The following NRG1 variants were observed in gnomAD, a reference collection of about 807,000 sequenced individuals.
NRG1 encodes neuregulin 1, also known as pro-neuregulin-1, membrane-bound isoform.
In NRG1, 18 loss-of-function variants were observed where a neutral mutation model predicts 63.8. That is an observed-to-expected ratio of 0.28 (90% CI 0.19 to 0.42). The LOEUF is 0.42. Among genes scored for constraint, NRG1 ranks in the 10% least tolerant of loss-of-function variants. NRG1 has a pLI of 1.00. For missense variants in NRG1, 762 were observed against 814.7 expected (o/e 0.94, Z 0.79); for synonymous variants, 302 against 301.3 (o/e 1.00, Z -0.02).
chr8:32,666,218 G>T (rs1244987882), intron 5 of NRG1, among the ~76,000 whole-genome samples: 4 of 152,140 alleles, frequency 2.6e-5, no homozygotes, highest in Non-Finnish European at 4.4e-5. Context: ...ATATAAACTT[G>T]TAGGCACTCC....
chr8:32,170,242 C>T (rs909380730), intron 1 of NRG1, among the ~76,000 whole-genome samples: 2 of 152,150 alleles, frequency 1.3e-5, no homozygotes, highest in African/African-American at 2.4e-5. Flanking sequence ...TTTGATACAC[C>T]TTCCTAGACC....
chr8:32,747,732 G>GTGTATATATATATA lies in NRG1; in HGVS notation c.691+5000_691+5001insGTATATATATATAT, dbSNP rs1264111970. On this transcript the variant is annotated intron_variant, in intron 7 of 11. Transcript: ENST00000356819. The stretch of plus-strand genomic sequence containing the variant: ...TGTTTGTGTGCATATATGTGTGTGT[G>GTGTATATATATATA]TATATATATATATATATATATATAT... Among the ~76,000 whole-genome samples, 51 of 132,096 alleles carry GTGTATATATATATA rather than the reference G, an allele frequency of 3.9e-4. 1 individual carries two copies. In the East Asian group the frequency reaches 4.1e-3, roughly 11 times the overall value. The allele number at this position is 132,096 out of a possible 152,430, so 86.7% of individuals were successfully genotyped here. A position where few individuals can be genotyped will look rare whatever the true frequency, so the allele number is the denominator to read the frequency against.
intron 1 of NRG1, among the ~76,000 whole-genome samples, chr8:31,982,759 AT>A (rs1258356864): frequency 6.6e-6 from 1 of 152,130 alleles, no homozygotes; most frequent in Non-Finnish European, 1.5e-5. Flanking sequence ...CATGAAATTA[AT>A]TGAGAAACTG....
At chr8:31,896,392 T>C (rs1476941790) in intron 1 of NRG1, among the ~76,000 whole-genome samples, 2 of 152,230 alleles carry the variant, frequency 1.3e-5, no homozygotes, top group African/African-American at 2.4e-5. Flanking sequence ...ACTTTCACTA[T>C]CCGGGGACCC....
At chr8:32,763,750 A>ATTC in exon 12 of NRG1, 2 of 1,545,104 alleles carry the variant, frequency 1.3e-6, no homozygotes, top group Non-Finnish European at 1.7e-6. Flanking sequence ...TCACACAGGT[A>ATTC]TGTGTCAGCC....
At chr8:32,315,666 C>A (rs2129476245) in intron 1 of NRG1, among the ~76,000 whole-genome samples, 1 of 152,178 alleles carries the variant, frequency 6.6e-6, no homozygotes, top group East Asian at 1.9e-4. Context: ...AATCTGATAC[C>A]TAACATGGAA....
intron 1 of NRG1, among the ~76,000 whole-genome samples, chr8:31,825,453 C>G (rs190554325): frequency 1.2e-3 from 182 of 151,694 alleles, no homozygotes; most frequent in African/African-American, 4.0e-3. Context: ...GATGAGAATA[C>G]ATTCAAAGAG....
chr8:31,896,334 C>T (rs16878409), intron 1 of NRG1, among the ~76,000 whole-genome samples: 1 of 152,176 alleles, frequency 6.6e-6, no homozygotes, highest in African/African-American at 2.4e-5. Context: ...TGTAATACTC[C>T]TAATCCCTGT....
intron 1 of NRG1, among the ~76,000 whole-genome samples, chr8:31,900,386 A>G (rs1329674010): frequency 6.6e-6 from 1 of 152,244 alleles, no homozygotes; most frequent in Non-Finnish European, 1.5e-5. Context: ...GAATGCAAGT[A>G]TTAAAAGCAC....
At chr8:32,582,250 A>AC (rs1471333693) in intron 1 of NRG1, among the ~76,000 whole-genome samples, 2 of 151,792 alleles carry the variant, frequency 1.3e-5, no homozygotes. Context: ...GGCACATGCC[A>AC]CCACACCTGG....
chr8:31,883,977 T>C (rs2129613062), intron 1 of NRG1, among the ~76,000 whole-genome samples: 1 of 152,212 alleles, frequency 6.6e-6, no homozygotes, highest in East Asian at 1.9e-4. Context: ...CATTAGCTTA[T>C]TTCCTCTGGA....
At chr8:31,974,272 C>A (rs1807797293) in intron 1 of NRG1, among the ~76,000 whole-genome samples, 1 of 152,016 alleles carries the variant, frequency 6.6e-6, no homozygotes, top group African/African-American at 2.4e-5. Flanking sequence ...CTCAAGTGGT[C>A]CTCCCACCTC....
chr8:32,525,221 A>C (rs1159919049), intron 1 of NRG1, among the ~76,000 whole-genome samples: 3 of 152,104 alleles, frequency 2.0e-5, no homozygotes. Flanking sequence ...GTGCCCATGA[A>C]AAAGACGCAA....
chr8:31,947,066 C>T (rs1398884195), intron 1 of NRG1, among the ~76,000 whole-genome samples: 9 of 150,982 alleles, frequency 6.0e-5, no homozygotes, highest in South Asian at 4.2e-4. Flanking sequence ...TTTGGGAGGC[C>T]GAGGCGGGTG....
intron 1 of NRG1, among the ~76,000 whole-genome samples, chr8:32,369,993 A>G (rs1808591086): frequency 6.6e-6 from 1 of 152,154 alleles, no homozygotes; most frequent in Admixed American, 6.6e-5. Context: ...AGCAAGAGGC[A>G]AAGTGATATG....
At chr8:32,615,705 A>G (rs1168514246) in intron 4 of NRG1, among the ~76,000 whole-genome samples, 1 of 152,052 alleles carries the variant, frequency 6.6e-6, no homozygotes, top group Non-Finnish European at 1.5e-5. Context: ...TAAAACCATA[A>G]AAGCTAAACA....
chr8:32,214,363 A>T (rs1221360633), intron 1 of NRG1, among the ~76,000 whole-genome samples: 1 of 152,202 alleles, frequency 6.6e-6, no homozygotes, highest in Non-Finnish European at 1.5e-5. Context: ...AAGAATAAGG[A>T]TTGATTTAAA....
At chr8:32,591,586 C>T (rs981946648) in intron 1 of NRG1, among the ~76,000 whole-genome samples, 2 of 151,900 alleles carry the variant, frequency 1.3e-5, no homozygotes, top group East Asian at 1.9e-4. Context: ...CCTGAAGTCA[C>T]GATTGTGAGG....
At chr8:32,135,504 G>T (rs997263122) in intron 1 of NRG1, among the ~76,000 whole-genome samples, 1 of 151,896 alleles carries the variant, frequency 6.6e-6, no homozygotes, top group Non-Finnish European at 1.5e-5. Context: ...TAGCAGGGTG[G>T]GCACAAAGGA....
Sources: allele counts gnomAD v4.1 joint callset (sites outside exome capture counted in the v4.1 genomes callset), GRCh38; gene constraint gnomAD v4.1.1; transcripts MANE v1.5; gene names NCBI Gene and HGNC (gene_info 2026-07-23, HGNC 2026-07-21).